The following PIEZO1 variants were observed in gnomAD, a reference collection of about 807,000 sequenced individuals.
PIEZO1 encodes the protein piezo type mechanosensitive ion channel component 1 (Er blood group).
Under a neutral mutation model 297.2 loss-of-function variants are expected in PIEZO1, and 296 were observed. That is an observed-to-expected ratio of 1.00 (90% CI 0.91 to 1.10). PIEZO1 has a LOEUF of 1.10. PIEZO1 is among the 50% of genes least tolerant of loss of function. The pLI is 0.00. For missense variants in PIEZO1, 5,018 were observed against 3,455.5 expected, an observed-to-expected ratio of 1.45 and a Z score of -11.34; for synonymous variants, 2,427 against 1,507.5, an observed-to-expected ratio of 1.61 and a Z score of -14.13.
rs1904292826 is a variant in PIEZO1, at chr16:88,722,962, A to G, written c.4543T>C (p.Trp1515Arg). The change falls in exon 34 of 51, where the codon TGG (tryptophan) becomes CGG (arginine). Residue 1515 changes from tryptophan (W) to arginine (R), a missense_variant. Transcript: ENST00000301015. The stretch of plus-strand genomic sequence containing the variant: ...TCCACTAGCGCCTGCCCCAGCATCC[A>G]CAGGAACTGCGCCGTGCTCAGCACC... ...QRVLSTAQFLWMLGQALVDEL... is the reference protein window; with the variant it reads ...QRVLSTAQFLRMLGQALVDEL... The G allele has an allele frequency of 3.9e-6, 6 of 1,548,942 alleles. No homozygotes were observed. In the Admixed American group the frequency reaches 1.2e-4, roughly 30 times the overall value.
chr16:88,754,783 G>A (rs888396567), intron 1 of PIEZO1, among the ~76,000 whole-genome samples: 1 of 152,216 alleles, frequency 6.6e-6, no homozygotes, highest in Non-Finnish European at 1.5e-5. Context: ...GCCGAGAGCA[G>A]GACGTGGTGC....
intron 1 of PIEZO1, among the ~76,000 whole-genome samples, chr16:88,757,327 T>TGGGGGGGGGG (rs200851830): frequency 1.6e-4 from 7 of 42,696 alleles, no homozygotes; most frequent in African/African-American, 2.0e-4. Context: ...GGCGGGGGGG[T>TGGGGGGGGGG]GGGGGGTAGT....
At chr16:88,784,817 G>T in intron 1 of PIEZO1, 84 bp downstream of exon 1, 1 of 1,027,728 alleles carries the variant, frequency 9.7e-7, no homozygotes, top group Non-Finnish European at 1.3e-6. Flanking sequence ...CCCTCGCCCC[G>T]GCCGGCGTCG....
At chr16:88,732,823 G>C (rs1215579051) in intron 19 of PIEZO1, 91 bp from the exon 20 acceptor site, 7 of 1,295,122 alleles carry the variant, frequency 5.4e-6, no homozygotes, top group Admixed American at 5.4e-5. Context: ...CTCTGGGGCA[G>C]GTCCACTGCT....
Position 88,737,546 on chromosome 16 carries a change from G to C in PIEZO1, c.1195+13C>G. ...CCCGCACCCAGCCATACCTTGCAGT[G>C]TGCGGTACTCACCAGGCCGCCGCAG... On this transcript the variant is annotated intron_variant, in intron 10 of 50. Transcript: ENST00000301015. 6.6e-7 allele frequency: 1 copy of C among 1,517,414 alleles called. No homozygotes were observed. The highest frequency in any genetic ancestry group is 1.4e-5 in the African/African-American group (1 of 72,734). 94.0% of individuals were successfully genotyped at this position (1,517,414 alleles called of 1,614,324 possible). A position where few individuals can be genotyped will look rare whatever the true frequency, so the allele number is the denominator to read the frequency against.
intron 1 of PIEZO1, among the ~76,000 whole-genome samples, chr16:88,753,597 G>A (rs963594521): frequency 1.3e-5 from 2 of 152,156 alleles, no homozygotes; most frequent in South Asian, 2.1e-4. Context: ...TTTCAGATGG[G>A]ATGGGCTCTG....
At chr16:88,779,196 G>A (rs1014517288) in intron 1 of PIEZO1, among the ~76,000 whole-genome samples, 77 of 152,004 alleles carry the variant, frequency 5.1e-4, no homozygotes, top group Non-Finnish European at 1.8e-4. Context: ...CCGCCACCAT[G>A]CCCAGCTAAT....
chr16:88,725,396 C>G lies in PIEZO1; in HGVS notation c.4162+20G>C, dbSNP rs1904349111. 7.2e-7 allele frequency: 1 copy of G among 1,387,744 alleles called. No homozygotes were observed. The highest frequency in any genetic ancestry group is 2.8e-5 in the Admixed American group (1 of 35,440). 86.0% of individuals were successfully genotyped at this position (1,387,744 alleles called of 1,614,324 possible). ...ATGCTGGACACGGGGCCCTGGGTGC[C>G]CGACTCCAGCTGCACTCACCTGGCT... is the stretch of plus-strand genomic sequence containing the variant. On this transcript the variant is annotated intron_variant, in intron 29 of 50. Transcript: ENST00000301015.
At chr16:88,730,553 G>C (rs543240850) in intron 22 of PIEZO1, among the ~76,000 whole-genome samples, 4 of 136,118 alleles carry the variant, frequency 2.9e-5, no homozygotes, top group Non-Finnish European at 6.1e-5. Flanking sequence ...AGCCGAGATT[G>C]TGCCAGTGTA....
At chr16:88,773,526 C>CA (rs1259283750) in intron 1 of PIEZO1, among the ~76,000 whole-genome samples, 4 of 152,168 alleles carry the variant, frequency 2.6e-5, no homozygotes, top group Non-Finnish European at 5.9e-5. Flanking sequence ...CGCTTCCCCT[C>CA]AAAAAAACCC....
intron 4 of PIEZO1, 27 bp downstream of exon 4, chr16:88,742,026 G>A (rs1375879801): frequency 1.3e-6 from 2 of 1,534,994 alleles, no homozygotes; most frequent in South Asian, 2.4e-5. Context: ...GAGGCTTGCT[G>A]GTTGGGGGTG....
At position 88,720,276 on chromosome 16, in the gene PIEZO1, G is replaced by C; in HGVS notation, c.5957C>G (p.Ser1986Trp). ...GGAGGACGTGATGTCTGTGGCCGCC[G>C]AGTGCTTCTGTGGCCAGGAGAGCAC... ...IFGFWAFGKH[S>W]AATDITSSLS... Residue 1986 changes from serine (S) to tryptophan (W), a missense_variant, in exon 42 of 51, where the codon TCG (serine) becomes TGG (tryptophan). Physicochemically the swap from Ser to Trp is radical, Grantham distance 177 (BLOSUM62 -3). Transcript: ENST00000301015. The C allele has an allele frequency of 6.5e-7, 1 of 1,550,330 alleles. No individual in the cohort carries two copies. The highest frequency in any genetic ancestry group is 8.7e-7 in the Non-Finnish European group (1 of 1,146,952).
Position 88,721,325 on chromosome 16 carries a change from TG to T in PIEZO1, c.5508del (p.Thr1837ProfsTer84). ...TCCACCTGAATGTGGTCTTCGGTGG[TG>T]GCCGCAGGCACCCCTGGCCCCTCCT... Reference protein sequence around the residue: ...GAEEGPGVPAATTEDHIQVEA... With the variant: ...GAEEGPGVPAXTTEDHIQVEA... On this transcript the variant is annotated frameshift_variant, in exon 39 of 51. Transcript: ENST00000301015. LOFTEE classifies it high-confidence loss of function. 6.5e-7 allele frequency: 1 copy of T among 1,546,682 alleles called. No homozygotes were observed. Among genetic ancestry groups the T allele is most frequent in the Non-Finnish European group, 8.7e-7 (1 of 1,146,688 alleles).
chr16:88,775,504 G>A (rs544573749), intron 1 of PIEZO1, among the ~76,000 whole-genome samples: 3 of 152,210 alleles, frequency 2.0e-5, no homozygotes, highest in South Asian at 2.1e-4. Context: ...CAAGGCAGGC[G>A]GATCACCTAA....
chr16:88,728,976 C>A (rs867307846), intron 22 of PIEZO1, among the ~76,000 whole-genome samples: 546 of 35,564 alleles, frequency 0.015, no homozygotes, highest in African/African-American at 0.11. Flanking sequence ...ACCTCGCGAC[C>A]CAAAAACAAA....
intron 13 of PIEZO1, 30 bp downstream of exon 13, chr16:88,735,105 G>C: frequency 6.5e-7 from 1 of 1,549,336 alleles, no homozygotes; most frequent in Non-Finnish European, 8.7e-7. Flanking sequence ...CAGGCAGGAG[G>C]GCAACCCCCG....
intron 10 of PIEZO1, chr16:88,737,026 C>T (rs1240379120): frequency 5.9e-6 from 2 of 338,180 alleles, no homozygotes; most frequent in Non-Finnish European, 1.1e-5. Flanking sequence ...ACTCTCAGGA[C>T]CCCCACCCCA....
chr16:88,719,986 AC>A, intron 42 of PIEZO1, 26 bp from the exon 43 acceptor site: 1 of 1,549,280 alleles, frequency 6.5e-7, no homozygotes, highest in Non-Finnish European at 8.7e-7. Context: ...CAGGTCAAGG[AC>A]CCCATCAGAA....
Position 88,733,413 on chromosome 16 carries a change from G to T in PIEZO1, c.2529C>A (p.Phe843Leu), listed in dbSNP as rs761458395. 2 of 1,549,930 alleles carry T rather than the reference G, an allele frequency of 1.3e-6. No homozygotes were observed. The highest frequency in any genetic ancestry group is 8.7e-7 in the Non-Finnish European group (1 of 1,146,704). Residue 843 changes from phenylalanine to leucine, a missense_variant, in exon 19 of 51, where the codon TTC (phenylalanine) becomes TTA (leucine). Physicochemically the swap from Phe to Leu is conservative, Grantham distance 22. Coordinates refer to ENST00000301015, the MANE Select transcript of PIEZO1 (RefSeq NM_001142864.4). ...GCCGGAAGCGTGGGTAGGGCAGGGC[G>T]AAGGCCCACAGCACCACCAGCAGCA... ...MNLLLVVLWA[F>L]ALPYPRFRPM...
Sources: gnomAD v4.1 joint callset for allele counts (sites outside exome capture counted in the v4.1 genomes callset) on GRCh38, gnomAD v4.1.1 for gene constraint, MANE v1.5 for transcripts, NCBI Gene and HGNC (gene_info 2026-07-23, HGNC 2026-07-21) for gene names.